The following MEP1A variants were observed in gnomAD, a reference collection of about 807,000 sequenced individuals.
MEP1A encodes the protein N-benzoyl-L-tyrosyl-P-amino-benzoic acid hydrolase subunit alpha.
A neutral mutation model predicts 84.5 loss-of-function variants in MEP1A; 68 were observed. The observed-to-expected ratio is 0.80, with a 90% CI of 0.66 to 0.98. MEP1A has a LOEUF of 0.98. Among genes scored for constraint, MEP1A ranks in the 50% least tolerant of loss-of-function variants. The pLI is 0.00. For synonymous variants in MEP1A, 337 were observed against 336.8 expected, an observed-to-expected ratio of 1.00 and a Z score of -0.01; for missense variants, 887 against 919.9, an observed-to-expected ratio of 0.96 and a Z score of 0.46.
At chr6:46,824,497 C>T (rs1464844025) in intron 7 of MEP1A, among the ~76,000 whole-genome samples, 1 of 141,206 alleles carries the variant, frequency 7.1e-6, no homozygotes, top group African/African-American at 2.6e-5. Flanking sequence ...TTAAATAAAT[C>T]TATTTAAATA....
chr6:46,842,199 T>A (rs1365162581), downstream of MEP1A, among the ~76,000 whole-genome samples: 1 of 152,158 alleles, frequency 6.6e-6, no homozygotes, highest in Non-Finnish European at 1.5e-5. Flanking sequence ...AACATGTGTG[T>A]TTGAACAATA....
At chr6:46,805,133 C>A (rs572287821) in intron 5 of MEP1A, among the ~76,000 whole-genome samples, 11 of 151,904 alleles carry the variant, frequency 7.2e-5, no homozygotes, top group African/African-American at 2.7e-4. Flanking sequence ...CTATGAGTAG[C>A]CTTGCACATA....
In MEP1A at chr6:46,833,355, A is replaced by G. The variant is rs12197930; in HGVS notation, c.1426A>G (p.Arg476Gly). 58,347 of 1,614,164 alleles carry G rather than the reference A, an allele frequency of 0.036. 1,300 individuals carry two copies. The highest frequency in any genetic ancestry group is 0.08 in the Middle Eastern group (487 of 6,062). The change falls in exon 11 of 14, where the codon AGA becomes GGA. Residue 476 changes from arginine to glycine, a missense_variant. Transcript: ENST00000230588. The stretch of plus-strand genomic sequence containing the variant: ...TGGGGTAACTTTATACCCAAATAGC[A>G]GAGAAAGCTCTGGTTACTTGAGACT... Reference protein sequence around the residue: ...GFGVTLYPNSRESSGYLRLAF... With the variant: ...GFGVTLYPNSGESSGYLRLAF...
chr6:46,802,712 C>A (rs1295478803), intron 5 of MEP1A, among the ~76,000 whole-genome samples: 1 of 151,700 alleles, frequency 6.6e-6, no homozygotes, highest in Non-Finnish European at 1.5e-5. Flanking sequence ...TCCACAGATG[C>A]CCTTTGTCAG....
chr6:46,813,648 G>A (rs537832445), intron 6 of MEP1A, among the ~76,000 whole-genome samples: 18 of 152,188 alleles, frequency 1.2e-4, no homozygotes, highest in African/African-American at 3.9e-4. Flanking sequence ...TATAGGTTCT[G>A]TAAGATTTAT....
intron 13 of MEP1A, among the ~76,000 whole-genome samples, chr6:46,837,600 A>G (rs2150759042): frequency 6.6e-6 from 1 of 152,304 alleles, no homozygotes; most frequent in South Asian, 2.1e-4. Context: ...TGTGTCCCCA[A>G]CAGGCTTCAT....
At chr6:46,803,956 C>T (rs1290908177) in intron 5 of MEP1A, among the ~76,000 whole-genome samples, 1 of 151,608 alleles carries the variant, frequency 6.6e-6, no homozygotes, top group Non-Finnish European at 1.5e-5. Context: ...TATACCCCTG[C>T]CCTTTGTACT....
chr6:46,809,106 G>A (rs1218230708), intron 5 of MEP1A, among the ~76,000 whole-genome samples: 1 of 151,962 alleles, frequency 6.6e-6, no homozygotes, highest in African/African-American at 2.4e-5. Context: ...GTGGGGGAAA[G>A]GCAAAGGGAG....
intron 13 of MEP1A, among the ~76,000 whole-genome samples, chr6:46,836,607 G>A (rs1427859988): frequency 6.6e-6 from 1 of 152,084 alleles, no homozygotes; most frequent in Non-Finnish European, 1.5e-5. Flanking sequence ...ATAAATTACA[G>A]GCCTTATTCA....
chr6:46,828,912 A>ATCG (rs1768010320), intron 9 of MEP1A, among the ~76,000 whole-genome samples: 1 of 51,594 alleles, frequency 1.9e-5, no homozygotes. Context: ...TTGAACCCTT[A>ATCG]TTGTCAATGT....
chr6:46,807,563 A>AGAAAGAAAGAAAGAAG (rs1767365497), intron 5 of MEP1A, among the ~76,000 whole-genome samples: 9 of 67,344 alleles, frequency 1.3e-4, no homozygotes, highest in African/African-American at 6.1e-4. Flanking sequence ...AAAGAAAGAA[A>AGAAAGAAAGAAAGAAG]GAAAGGAAGG....
At chr6:46,803,543 TTTG>T (rs1235937583) in intron 5 of MEP1A, among the ~76,000 whole-genome samples, 1 of 151,512 alleles carries the variant, frequency 6.6e-6, no homozygotes, top group African/African-American at 2.4e-5. Flanking sequence ...TGACTTTTGA[TTTG>T]TTAATTTTCT....
chr6:46,833,139 C>G lies in MEP1A; in HGVS notation c.1210C>G (p.Leu404Val). The G allele has an allele frequency of 6.4e-7, 1 of 1,566,362 alleles. No homozygotes were observed. The stretch of plus-strand genomic sequence containing the variant: ...CAAAGAGGAACAGAAGTTTCGCTAC[C>G]TTTTCCAGGGCACAAAAGGCGACCC... ...VLKEEQKFRYLFQGTKGDPQN... is the reference protein window; with the variant it reads ...VLKEEQKFRYVFQGTKGDPQN... The change falls in exon 11 of 14, where the codon CTT becomes GTT. Residue 404 changes from leucine to valine, a missense_variant. By Grantham distance (32) the Leu-to-Val change is conservative. Transcript: ENST00000230588.
At chr6:46,806,007 C>T (rs1184522856) in intron 5 of MEP1A, among the ~76,000 whole-genome samples, 2 of 151,918 alleles carry the variant, frequency 1.3e-5, no homozygotes, top group African/African-American at 4.8e-5. Context: ...TTAAAATTAT[C>T]CAGTGAATTT....
At chr6:46,819,071 T>C (rs575202536) in intron 6 of MEP1A, among the ~76,000 whole-genome samples, 15 of 152,300 alleles carry the variant, frequency 9.8e-5, no homozygotes, top group East Asian at 7.7e-4. Flanking sequence ...TGAGCTGTGA[T>C]TGTGGCACTG....
At chr6:46,805,019 T>A (rs1165080264) in intron 5 of MEP1A, among the ~76,000 whole-genome samples, 1 of 151,924 alleles carries the variant, frequency 6.6e-6, no homozygotes, top group Non-Finnish European at 1.5e-5. Context: ...ATAAGCAATT[T>A]GTTCTTTTTT....
At chr6:46,824,465 G>A (rs1767853524) in intron 7 of MEP1A, among the ~76,000 whole-genome samples, 1 of 141,562 alleles carries the variant, frequency 7.1e-6, no homozygotes, top group Non-Finnish European at 1.5e-5. Context: ...ACATTATATT[G>A]CTTATAAAAT....
intron 12 of MEP1A, 43 bp from the exon 13 acceptor site, chr6:46,835,206 T>C (rs1287882920): frequency 2.0e-6 from 3 of 1,499,400 alleles, no homozygotes; most frequent in Non-Finnish European, 2.7e-6. Flanking sequence ...TTGTAGTCAG[T>C]TACTAATCCT....
At position 46,839,268 on chromosome 6, in the gene MEP1A, G is replaced by T; in HGVS notation, c.*132G>T. The T allele has an allele frequency of 1.6e-6, 1 of 643,172 alleles. No homozygotes were observed. 39.8% of individuals were successfully genotyped at this position (643,172 alleles called of 1,614,324 possible). On this transcript the variant is annotated 3_prime_UTR_variant, in exon 14 of 14. Coordinates refer to ENST00000230588, the MANE Select transcript of MEP1A (RefSeq NM_005588.3). ...CAAGGACTAAGGCCTCCAGCCCCAT[G>T]TGTGACCCTTGTCATCTCTCTGCCC...
Sources: allele counts gnomAD v4.1 joint callset (sites outside exome capture counted in the v4.1 genomes callset), GRCh38; gene constraint gnomAD v4.1.1; transcripts MANE v1.5; gene names NCBI Gene and HGNC (gene_info 2026-07-23, HGNC 2026-07-21).